Variants in NUP153 observed in about 807,000 individuals in gnomAD.
The protein encoded by NUP153 is nucleoporin 153.
A neutral mutation model predicts 134.6 loss-of-function variants in NUP153; 27 were observed. The observed-to-expected ratio is 0.20, with a 90% CI of 0.15 to 0.28. The LOEUF is 0.28. Ranked by LOEUF, NUP153 falls within the 10% of genes least tolerant of loss-of-function variation. The pLI, the probability that NUP153 is intolerant of heterozygous loss-of-function variation, is 1.00. For synonymous variants in NUP153, 640 were observed against 623.5 expected, an observed-to-expected ratio of 1.03 and a Z score of -0.40; for missense variants, 1,821 against 1,731.3, an observed-to-expected ratio of 1.05 and a Z score of -0.92.
At chr6:17,695,700 G>C (rs1455210628) in intron 1 of NUP153, among the ~76,000 whole-genome samples, 1 of 152,106 alleles carries the variant, frequency 6.6e-6, no homozygotes, top group Non-Finnish European at 1.5e-5. Flanking sequence ...CACAGTATTG[G>C]AAAGGAGACT....
chr6:17,624,459 T>C lies in NUP153; in HGVS notation c.4174+102A>G, dbSNP rs1226213973. The C allele has an allele frequency of 2.5e-5, 29 of 1,137,294 alleles. No individual in the cohort carries two copies. The East Asian group carries it at 6.4e-4, about 25-fold the overall frequency. 70.5% of individuals were successfully genotyped at this position (1,137,294 alleles called of 1,614,324 possible). On this transcript the variant is annotated intron_variant, in intron 20 of 21. Coordinates refer to ENST00000262077, the MANE Select transcript of NUP153 (RefSeq NM_005124.4). The stretch of plus-strand genomic sequence containing the variant: ...TCTCTATTCTGCCAAGTACAAGAGA[T>C]AATTTTAAAATTAGACATATGAATG...
Position 17,706,792 on chromosome 6 carries a change from G to A in NUP153, c.-405C>T, listed in dbSNP as rs1561921837. 1.6e-5 allele frequency: 3 copies of A among 190,434 alleles called. No individual in the cohort carries two copies. The highest frequency in any genetic ancestry group is 7.1e-5 in the African/African-American group (3 of 42,044). 11.8% of individuals were successfully genotyped at this position (190,434 alleles called of 1,614,324 possible). On this transcript the variant is annotated 5_prime_UTR_variant, in exon 1 of 22. Coordinates refer to ENST00000262077, the MANE Select transcript of NUP153 (RefSeq NM_005124.4). The surrounding 1 kb of genome is among the most constrained non-coding windows in gnomAD (Gnocchi z 5.9). Reference sequence around the variant, plus strand: ...GTAGCTGCCGCAGTTGAAGCCGCTGGCGACGCCCGCCTACCCCTCCCCTGT... The same window carrying A: ...GTAGCTGCCGCAGTTGAAGCCGCTGACGACGCCCGCCTACCCCTCCCCTGT...
At position 17,668,069 on chromosome 6, in the gene NUP153, C is replaced by CTTTTTT. The variant is rs762142682; in HGVS notation, c.1068+900_1068+905dup. Reference sequence around the variant, plus strand: ...GCAATGAGGACTTTAGTTTACTGAACTTTTTTTTTTTTTTTTTTTTTTTTG... The same window carrying CTTTTTT: ...GCAATGAGGACTTTAGTTTACTGAACTTTTTTTTTTTTTTTTTTTTTTTTTTTTTTG... On this transcript the variant is annotated intron_variant, in intron 8 of 21. Transcript: ENST00000262077. 1.1e-3 allele frequency among the ~76,000 whole-genome samples: 92 copies of CTTTTTT among 87,224 alleles called. 1 individual carries two copies. The East Asian group carries it at 0.015, about 14-fold the overall frequency. 57.2% of individuals were successfully genotyped at this position (87,224 alleles called of 152,430 possible). A position where few individuals can be genotyped will look rare whatever the true frequency, so the allele number is the denominator to read the frequency against.
At chr6:17,672,327 G>A (rs757540672) in intron 5 of NUP153, among the ~76,000 whole-genome samples, 11 of 152,096 alleles carry the variant, frequency 7.2e-5, no homozygotes, top group Non-Finnish European at 1.5e-4. Flanking sequence ...CTTGTAATCC[G>A]AACACTTTGG....
intron 8 of NUP153, among the ~76,000 whole-genome samples, chr6:17,666,834 T>C (rs1484951285): frequency 6.6e-6 from 1 of 152,240 alleles, no homozygotes; most frequent in East Asian, 1.9e-4. Flanking sequence ...AATAAGGTCC[T>C]TTCATTCAGC....
At chr6:17,669,081 C>CA (rs1767735990) in intron 7 of NUP153, 53 bp from the exon 8 acceptor site, 40 of 930,188 alleles carry the variant, frequency 4.3e-5, no homozygotes, top group Non-Finnish European at 5.1e-5. Flanking sequence ...TGAAAAATAC[C>CA]TTTTTTTTTT....
intron 11 of NUP153, among the ~76,000 whole-genome samples, chr6:17,657,385 T>TAAAAA (rs151192201): frequency 2.9e-5 from 4 of 137,888 alleles, no homozygotes; most frequent in African/African-American, 1.1e-4. Flanking sequence ...TCTACTAAAA[T>TAAAAA]AAAAAAATAA....
At chr6:17,671,281 T>C (rs1057236673) in intron 5 of NUP153, among the ~76,000 whole-genome samples, 1 of 152,224 alleles carries the variant, frequency 6.6e-6, no homozygotes, top group Admixed American at 6.5e-5. Context: ...AATGTCTTTG[T>C]CTGATTTTGG....
chr6:17,649,082 CTG>C (rs1454561609), intron 12 of NUP153, 79 bp downstream of exon 12: 1 of 1,233,734 alleles, frequency 8.1e-7, no homozygotes, highest in Non-Finnish European at 1.1e-6. Flanking sequence ...AAATTAAACA[CTG>C]TTTATAATAT....
At position 17,675,253 on chromosome 6, in the gene NUP153, C is replaced by T; in HGVS notation, c.699G>A (p.Leu233=). The change falls in exon 4 of 22, where the codon TTG becomes TTA. Residue 233 remains leucine, a synonymous_variant. Coordinates refer to ENST00000262077, the MANE Select transcript of NUP153 (RefSeq NM_005124.4). The surrounding 1 kb of genome is among the most constrained non-coding windows in gnomAD (Gnocchi z 4.4). Reference sequence around the variant, plus strand: ...CAGGGGAAAGTGTTCCAAAGGCAGACAAGTTGAATGCTGGTTTTTTTGAGC... The same window carrying T: ...CAGGGGAAAGTGTTCCAAAGGCAGATAAGTTGAATGCTGGTTTTTTTGAGC... ...ATSSKKPAFN[L]SAFGTLSPSL... is the part of the protein sequence containing the mutation. 1 of 1,613,918 alleles carries T rather than the reference C, an allele frequency of 6.2e-7. No individual in the cohort carries two copies. Among genetic ancestry groups the T allele is most frequent in the South Asian group, 1.1e-5 (1 of 91,068 alleles).
At chr6:17,661,835 G>A in intron 10 of NUP153, 56 bp from the exon 11 acceptor site, 1 of 1,520,882 alleles carries the variant, frequency 6.6e-7, no homozygotes, top group South Asian at 1.2e-5. Context: ...TCCATAACTT[G>A]TTAACTAGAA....
intron 1 of NUP153, among the ~76,000 whole-genome samples, chr6:17,693,047 T>TA (rs1387802076): frequency 5.3e-5 from 8 of 152,178 alleles, no homozygotes; most frequent in African/African-American, 1.7e-4. Flanking sequence ...GCTAAATACA[T>TA]ACAGTTCATA....
chr6:17,637,561 A>G lies in NUP153; in HGVS notation c.2056T>C (p.Leu686=). 1.2e-6 allele frequency: 2 copies of G among 1,614,076 alleles called. No homozygotes were observed. The highest frequency in any genetic ancestry group is 1.7e-6 in the Non-Finnish European group (2 of 1,180,020). Residue 686 remains leucine (L), a synonymous_variant, in exon 16 of 22, where the codon TTG becomes CTG. Transcript: ENST00000262077. ...TGTTTAGCAGTATCTCTGGGTGACA[A>G]TTTTGCTGCTTGACAGGCTATGCAT... ...NKCIACQAAK[L]SPRDTAKQTG...
chr6:17,657,783 G>A (rs1581715342), intron 11 of NUP153, among the ~76,000 whole-genome samples: 2 of 119,070 alleles, frequency 1.7e-5, no homozygotes, highest in African/African-American at 2.7e-5. Context: ...TCAGATATTA[G>A]GTTGGTGCAA....
At chr6:17,688,112 C>T (rs919997317) in intron 2 of NUP153, among the ~76,000 whole-genome samples, 9 of 151,036 alleles carry the variant, frequency 6.0e-5, no homozygotes, top group African/African-American at 9.7e-5. Flanking sequence ...AGCGAGACTC[C>T]GTCTCAAAAA....
In NUP153 at chr6:17,688,385, A is replaced by C; in HGVS notation, c.334+11T>G. On this transcript the variant is annotated intron_variant, in intron 2 of 21. Transcript: ENST00000262077. ...CTATCATTCATGACAAAATATTCACATTTTACTTACCTTCTGTATTACTGA... is the reference window on the plus strand; with the variant it reads ...CTATCATTCATGACAAAATATTCACCTTTTACTTACCTTCTGTATTACTGA... 6.2e-7 allele frequency: 1 copy of C among 1,604,422 alleles called. No individual in the cohort carries two copies.
chr6:17,694,434 G>C (rs986064147), intron 1 of NUP153, among the ~76,000 whole-genome samples: 9 of 152,124 alleles, frequency 5.9e-5, no homozygotes, highest in Non-Finnish European at 1.5e-5. Context: ...CGACGCGGGC[G>C]GATTACCTGA....
At chr6:17,676,646 A>G (rs994838329) in intron 2 of NUP153, among the ~76,000 whole-genome samples, 2 of 152,162 alleles carry the variant, frequency 1.3e-5, no homozygotes, top group Admixed American at 6.5e-5. Context: ...ATAAGACTGG[A>G]GAAAAAATAT....
At position 17,624,053 on chromosome 6, in the gene NUP153, TCAA is replaced by T. The variant is rs547732092; in HGVS notation, c.4174+505_4174+507del. Among the ~76,000 whole-genome samples the T allele has an allele frequency of 4.9e-4, 75 of 152,206 alleles. 1 individual carries two copies. The East Asian group carries it at 7.7e-3, about 16-fold the overall frequency. On this transcript the variant is annotated intron_variant, in intron 20 of 21. Transcript: ENST00000262077. ...ATTATATTTCACAATTAGAAAAAAA[TCAA>T]CAACAATTTTAAGAAAATATAGGAT...
Sources: allele counts gnomAD v4.1 joint callset (sites outside exome capture counted in the v4.1 genomes callset), GRCh38; gene constraint gnomAD v4.1.1; non-coding constraint Gnocchi (gnomAD v3.1); transcripts MANE v1.5; gene names NCBI Gene and HGNC (gene_info 2026-07-23, HGNC 2026-07-21).